KATNBL1: variants seen among roughly 807,000 people sequenced by gnomAD.
KATNBL1 encodes katanin regulatory subunit B1 like 1.
A neutral mutation model predicts 44.7 loss-of-function variants in KATNBL1; 28 were observed. That is an observed-to-expected ratio of 0.63 (90% CI 0.46 to 0.86). KATNBL1 has a LOEUF of 0.86. KATNBL1 is among the 40% of genes least tolerant of loss of function. The probability of loss-of-function intolerance (pLI) is 0.00; values close to 1 mark genes in which losing one functional copy is unlikely to be tolerated. For synonymous variants in KATNBL1, 78 were observed against 114.9 expected (o/e 0.68, Z 2.06); for missense variants, 272 against 350.7 (o/e 0.78, Z 1.79).
Position 34,176,654 on chromosome 15 carries a change from T to C in KATNBL1, c.-14-12964A>G, listed in dbSNP as rs141326129. On this transcript the variant is annotated intron_variant, in intron 1 of 9. Transcript: ENST00000256544. The stretch of plus-strand genomic sequence containing the variant: ...GACAACTGCACAATTCTGTGTACAC[T>C]TACAATATACTTACAATCAGTAAAT... Among the ~76,000 whole-genome samples, 827 of 152,280 alleles carry C rather than the reference T, an allele frequency of 5.4e-3. 12 individuals carry two copies. The highest frequency in any genetic ancestry group is 0.019 in the African/African-American group (769 of 41,542).
At chr15:34,193,242 A>G (rs1184610094) in intron 1 of KATNBL1, among the ~76,000 whole-genome samples, 1 of 143,318 alleles carries the variant, frequency 7.0e-6, no homozygotes, top group Non-Finnish European at 1.6e-5. Context: ...AAAACAAAAA[A>G]AAAACTTAAG....
intron 3 of KATNBL1, among the ~76,000 whole-genome samples, 175 bp from the exon 4 acceptor site, chr15:34,153,244 C>T (rs1422522676): frequency 6.6e-6 from 1 of 152,060 alleles, no homozygotes; most frequent in Non-Finnish European, 1.5e-5. Flanking sequence ...AGGGAAATTA[C>T]AAATTATCTG....
chr15:34,165,719 G>A lies in KATNBL1; in HGVS notation c.-14-2029C>T, dbSNP rs367645262. On this transcript the variant is annotated intron_variant, in intron 1 of 9. Coordinates refer to ENST00000256544, the MANE Select transcript of KATNBL1 (RefSeq NM_024713.3). ...TGAGGCAGGAGAATCGCTTGAACCC[G>A]GGAGGCTGAGGTTGCAGTGAGCCAA... 9.2e-5 allele frequency among the ~76,000 whole-genome samples: 14 copies of A among 152,218 alleles called. No individual in the cohort carries two copies. The South Asian group carries it at 1.2e-3, about 14-fold the overall frequency.
At chr15:34,159,042 G>A (rs1424857972) in intron 2 of KATNBL1, among the ~76,000 whole-genome samples, 3 of 152,190 alleles carry the variant, frequency 2.0e-5, no homozygotes, top group African/African-American at 7.2e-5. Flanking sequence ...GGATAGCTTC[G>A]TATTTTAAAA....
intron 1 of KATNBL1, among the ~76,000 whole-genome samples, chr15:34,179,273 G>A (rs1889445853): frequency 6.6e-6 from 1 of 152,182 alleles, no homozygotes; most frequent in Non-Finnish European, 1.5e-5. Flanking sequence ...AGGTAGAAGG[G>A]TAAGTGGGCA....
At chr15:34,182,458 C>T (rs1889596013) in intron 1 of KATNBL1, among the ~76,000 whole-genome samples, 1 of 152,130 alleles carries the variant, frequency 6.6e-6, no homozygotes, top group African/African-American at 2.4e-5. Context: ...AGTATGCCCT[C>T]ATTTAGAGTG....
At chr15:34,199,063 T>C (rs1040445761) in intron 1 of KATNBL1, among the ~76,000 whole-genome samples, 1 of 152,204 alleles carries the variant, frequency 6.6e-6, no homozygotes, top group Non-Finnish European at 1.5e-5. Context: ...GCAGTGCTAC[T>C]CATGTACTGT....
At chr15:34,191,817 G>C (rs1223150992) in intron 1 of KATNBL1, among the ~76,000 whole-genome samples, 1 of 151,602 alleles carries the variant, frequency 6.6e-6, no homozygotes, top group Non-Finnish European at 1.5e-5. Context: ...CGTGGTGGCG[G>C]GCGCCTGTAG....
chr15:34,177,249 T>A (rs1477394706), intron 1 of KATNBL1, among the ~76,000 whole-genome samples: 2 of 152,102 alleles, frequency 1.3e-5, no homozygotes, highest in African/African-American at 4.8e-5. Context: ...GTAGAAGGAA[T>A]TGGAGGGATA....
chr15:34,180,374 T>C lies in KATNBL1; in HGVS notation c.-14-16684A>G, dbSNP rs193129365. 4.6e-5 allele frequency among the ~76,000 whole-genome samples: 7 copies of C among 152,328 alleles called. No homozygotes were observed. In the East Asian group the frequency reaches 1.3e-3, roughly 29 times the overall value. The stretch of plus-strand genomic sequence containing the variant: ...CAACTCTAAAGACATTGCTCATTCT[T>C]CATCACCATTTAGCTCTTTCGTCAC... On this transcript the variant is annotated intron_variant, in intron 1 of 9. Coordinates refer to ENST00000256544, the MANE Select transcript of KATNBL1 (RefSeq NM_024713.3).
rs765287571 is a variant in KATNBL1 at position 34,149,631 on chromosome 15, GC to G, written c.439-882del. On this transcript the variant is annotated intron_variant, in intron 4 of 9. Coordinates refer to ENST00000256544, the MANE Select transcript of KATNBL1 (RefSeq NM_024713.3). ...GTAGAGATGGGGTTTTGCCATGTTGGCCAAGCTGGTCTCCAACTCCTGACCT... is the reference window on the plus strand; with the variant it reads ...GTAGAGATGGGGTTTTGCCATGTTGGCAAGCTGGTCTCCAACTCCTGACCT... Among the ~76,000 whole-genome samples, 5 of 152,290 alleles carry G rather than the reference GC, an allele frequency of 3.3e-5. No individual in the cohort carries two copies. In the South Asian group the frequency reaches 1.0e-3, roughly 32 times the overall value.
intron 1 of KATNBL1, among the ~76,000 whole-genome samples, chr15:34,203,350 AACC>A (rs1386260748): frequency 2.0e-5 from 3 of 150,392 alleles, no homozygotes; most frequent in African/African-American, 7.4e-5. Context: ...TTCTAGACCA[AACC>A]ACCAACTCCT....
chr15:34,207,052 T>C (rs1386229885), intron 1 of KATNBL1, among the ~76,000 whole-genome samples: 7 of 150,450 alleles, frequency 4.7e-5, no homozygotes, highest in African/African-American at 1.7e-4. Flanking sequence ...TTTTTTTTTT[T>C]TCCCTGAGAC....
chr15:34,185,251 T>C (rs149570529), intron 1 of KATNBL1, among the ~76,000 whole-genome samples: 184 of 152,374 alleles, frequency 1.2e-3, no homozygotes, highest in African/African-American at 4.3e-3. Context: ...ATTACAGGCA[T>C]GCACCACTGT....
chr15:34,194,803 A>G (rs2140991991), intron 1 of KATNBL1, among the ~76,000 whole-genome samples: 1 of 152,382 alleles, frequency 6.6e-6, no homozygotes, highest in South Asian at 2.1e-4. Context: ...GTAAGAACAC[A>G]AATAGACATT....
chr15:34,191,807 C>T (rs1014208325), intron 1 of KATNBL1, among the ~76,000 whole-genome samples: 4 of 151,420 alleles, frequency 2.6e-5, no homozygotes, highest in Non-Finnish European at 5.9e-5. Flanking sequence ...ATTAGCTGGG[C>T]GTGGTGGCGG....
chr15:34,202,745 C>T (rs1232578904), intron 1 of KATNBL1, among the ~76,000 whole-genome samples: 1 of 152,124 alleles, frequency 6.6e-6, no homozygotes. Flanking sequence ...AATCTCAGCA[C>T]TTTGGGAGGC....
intron 4 of KATNBL1, among the ~76,000 whole-genome samples, chr15:34,149,943 T>C (rs972554791): frequency 9.8e-5 from 15 of 152,358 alleles, no homozygotes; most frequent in South Asian, 2.1e-4. Flanking sequence ...ATTTAGATTC[T>C]GGTTTTTACC....
In KATNBL1 at chr15:34,163,552, A is replaced by C. The variant is rs1888872678; in HGVS notation, c.117+8T>G. ...GTCTTATCTGTTTTCTAGAAACCAT[A>C]GACTTACCTCCTTCATGTTCTTATT... On this transcript the variant is annotated splice_region_variant and intron_variant, in intron 2 of 9. Coordinates refer to ENST00000256544, the MANE Select transcript of KATNBL1 (RefSeq NM_024713.3). The C allele has an allele frequency of 6.9e-6, 11 of 1,590,168 alleles. No individual in the cohort carries two copies. In the East Asian group the frequency reaches 2.5e-4, roughly 36 times the overall value.
Sources: gnomAD v4.1 joint callset for allele counts (sites outside exome capture counted in the v4.1 genomes callset) on GRCh38, gnomAD v4.1.1 for gene constraint, MANE v1.5 for transcripts, NCBI Gene and HGNC (gene_info 2026-07-23, HGNC 2026-07-21) for gene names.